The following PLPPR3 variants were observed in gnomAD, a reference collection of about 807,000 sequenced individuals.
PLPPR3 encodes the protein phospholipid phosphatase-related protein type 3.
PLPPR3 carries 14 observed loss-of-function variants against 27.3 expected under a neutral mutation model. The observed-to-expected ratio is 0.51, with a 90% CI of 0.34 to 0.80. PLPPR3 has a LOEUF of 0.80. Ranked by LOEUF, PLPPR3 falls within the 30% of genes least tolerant of loss-of-function variation. PLPPR3 has a pLI of 0.01. For missense variants in PLPPR3, 1,287 were observed against 1,056.9 expected (o/e 1.22, Z -3.02); for synonymous variants, 671 against 508.0 (o/e 1.32, Z -4.32).
rs1262413013 is a variant in PLPPR3 at position 815,678 on chromosome 19, G to A, written c.249C>T (p.Ala83=). ...TGCAGGTGCTCACCGAGGCGGCAGGGGCCGCGAAGGCCAAGCTGAGCAGCA... is the reference window on the plus strand; with the variant it reads ...TGCAGGTGCTCACCGAGGCGGCAGGAGCCGCGAAGGCCAAGCTGAGCAGCA... ...LLMLLSLAFA[A]PAASIMVAEG... The change falls in exon 3 of 8, where the codon GCC becomes GCT. Residue 83 remains alanine, a synonymous_variant. Transcript: ENST00000520876. 1.9e-6 allele frequency: 3 copies of A among 1,588,952 alleles called. No homozygotes were observed. The highest frequency in any genetic ancestry group is 1.1e-5 in the South Asian group (1 of 88,238).
rs867124658 is a variant in PLPPR3, at chr19:819,124, A to G, written c.75+2361T>C. ...CCGGAGTAGCTGAGACTACAGGCAC[A>G]CACCACCACGCTGGGCTAATTTTTG... On this transcript the variant is annotated intron_variant, in intron 2 of 7. Transcript: ENST00000520876. Among the ~76,000 whole-genome samples, 81 of 104,786 alleles carry G rather than the reference A, an allele frequency of 7.7e-4. 11 individuals are homozygous for G. The highest frequency in any genetic ancestry group is 1.2e-3 in the Non-Finnish European group (66 of 53,850). 68.7% of individuals were successfully genotyped at this position (104,786 alleles called of 152,430 possible).
chr19:818,895 G>C (rs1337244303), intron 2 of PLPPR3, among the ~76,000 whole-genome samples: 1 of 151,318 alleles, frequency 6.6e-6, no homozygotes, highest in Non-Finnish European at 1.5e-5. Context: ...CAGGCCTCAA[G>C]TGATCTTCCT....
intron 6 of PLPPR3, 39 bp from the exon 7 acceptor site, chr19:814,646 G>A (rs777846239): frequency 3.9e-5 from 63 of 1,609,984 alleles, no homozygotes; most frequent in Non-Finnish European, 4.9e-5. Flanking sequence ...GGCTCCCCAC[G>A]GGTCAGCAAG....
Position 813,661 on chromosome 19 carries a change from C to A in PLPPR3, c.1066G>T (p.Val356Leu). The A allele has an allele frequency of 6.5e-7, 1 of 1,536,026 alleles. No individual in the cohort carries two copies. Among genetic ancestry groups the A allele is most frequent in the South Asian group, 1.2e-5 (1 of 83,916 alleles). The change falls in exon 8 of 8, where the codon GTG (valine) becomes TTG (leucine). Residue 356 changes from valine (V) to leucine (L), a missense_variant. Val to Leu is a conservative substitution (Grantham distance 32). Transcript: ENST00000520876. The surrounding 1 kb of genome is among the most constrained non-coding windows in gnomAD (Gnocchi z 4.1). ...LGSLKRASVD[V>L]DLLAPRSPMA... Reference sequence around the variant, plus strand: ...GGGCTGCGCGGGGCCAGCAGGTCCACGTCCACGCTGGCGCGCTTCAGGCTG... The same window carrying A: ...GGGCTGCGCGGGGCCAGCAGGTCCAAGTCCACGCTGGCGCGCTTCAGGCTG...
chr19:821,632 CG>C, intron 1 of PLPPR3, 47 bp from the exon 2 acceptor site: 7 of 891,358 alleles, frequency 7.9e-6, no homozygotes, highest in South Asian at 1.8e-5. Flanking sequence ...AGGCGGAGCC[CG>C]GGGGAGACAC....
upstream of PLPPR3, among the ~76,000 whole-genome samples, chr19:822,897 G>T (rs559010868): frequency 2.0e-5 from 3 of 152,034 alleles, no homozygotes; most frequent in African/African-American, 7.2e-5. Flanking sequence ...GAGGCGGGCG[G>T]ATCACGAGGG....
upstream of PLPPR3, among the ~76,000 whole-genome samples, chr19:822,903 G>A (rs750572940): frequency 2.7e-5 from 4 of 149,378 alleles, no homozygotes; most frequent in Admixed American, 1.3e-4. Flanking sequence ...GGCGGATCAC[G>A]AGGGCAGGAG....
Position 813,339 on chromosome 19 carries a change from G to C in PLPPR3, c.1388C>G (p.Pro463Arg). 6.8e-7 allele frequency: 1 copy of C among 1,472,922 alleles called. No homozygotes were observed. Among genetic ancestry groups the C allele is most frequent in the Non-Finnish European group, 8.9e-7 (1 of 1,121,370 alleles). 91.2% of individuals were successfully genotyped at this position (1,472,922 alleles called of 1,614,324 possible). Residue 463 changes from proline (P) to arginine (R), a missense_variant, in exon 8 of 8, where the codon CCG becomes CGG. By Grantham distance (103) the Pro-to-Arg change is moderately radical. Transcript: ENST00000520876. The surrounding 1 kb of genome is among the most constrained non-coding windows in gnomAD (Gnocchi z 4.1). ...EEEEEEEDEG[P>R]APPSLYPTVQ... ...GGTGGGGTAGAGCGAGGGCGGGGCC[G>C]GGCCCTCGTCCTCCTCCTCTTCCTC...
At position 814,737 on chromosome 19, in the gene PLPPR3, C is replaced by T. The variant is rs371701422; in HGVS notation, c.612G>A (p.Pro204=). 1.3e-5 allele frequency: 20 copies of T among 1,576,076 alleles called. No homozygotes were observed. The highest frequency in any genetic ancestry group is 2.3e-5 in the South Asian group (2 of 87,462). ...HAILSARKTF[P]SQHATLSAFA... Reference sequence around the variant, plus strand: ...AGGCTGACAGCGTGGCGTGCTGGGACGGGAAGGTCTTCCTGTAAGAGGCGT... The same window carrying T: ...AGGCTGACAGCGTGGCGTGCTGGGATGGGAAGGTCTTCCTGTAAGAGGCGT... The change falls in exon 6 of 8, where the codon CCG becomes CCA. Residue 204 remains proline (P), a synonymous_variant. Coordinates refer to ENST00000520876, the MANE Select transcript of PLPPR3 (RefSeq NM_001270366.2).
intron 2 of PLPPR3, among the ~76,000 whole-genome samples, chr19:817,471 A>G (rs2035079968): frequency 6.6e-6 from 1 of 150,608 alleles, no homozygotes; most frequent in African/African-American, 2.4e-5. Flanking sequence ...GCGGGGTTTC[A>G]CCATGTTCCC....
intron 2 of PLPPR3, among the ~76,000 whole-genome samples, chr19:816,397 ATCCATCCACCCATTC>A (rs2035055554): frequency 2.1e-5 from 1 of 47,718 alleles, no homozygotes; most frequent in Non-Finnish European, 3.8e-5. Flanking sequence ...CCCACCCATC[ATCCATCCACCCATTC>A]TCCACCCATG....
chr19:823,455 A>AAAAAAAAC (rs1568289373), upstream of PLPPR3, among the ~76,000 whole-genome samples: 18 of 131,986 alleles, frequency 1.4e-4, no homozygotes, highest in Admixed American at 7.2e-4. Context: ...AAAAAAAAAA[A>AAAAAAAAC]AAACAAACAA....
chr19:815,266 C>T lies in PLPPR3; in HGVS notation c.323G>A (p.Gly108Glu), dbSNP rs766677540. ...LQSRLWGRAG[G>E]PAGAEGSINA... ...GATGCTGCCCTCCGCCCCGGCGGGC[C>T]CCCCGGCACGGCCCCACAGCCGGGA... Residue 108 changes from glycine (G) to glutamate (E), a missense_variant, in exon 4 of 8, where the codon GGG becomes GAG. Gly to Glu is a moderately conservative substitution (Grantham distance 98). Transcript: ENST00000520876. 5.8e-6 allele frequency: 9 copies of T among 1,561,128 alleles called. No homozygotes were observed. Among genetic ancestry groups the T allele is most frequent in the Admixed American group, 3.8e-5 (2 of 52,578 alleles).
In PLPPR3 at chr19:812,493, T is replaced by C; in HGVS notation, c.*77A>G. 2.0e-6 allele frequency: 2 copies of C among 976,744 alleles called. No homozygotes were observed. The highest frequency in any genetic ancestry group is 2.4e-6 in the Non-Finnish European group (2 of 820,522). The allele number at this position is 976,744 out of a possible 1,614,324, so 60.5% of individuals were successfully genotyped here. ...GAATGACCAAGAGCCGGACCTCGGTTTCTGCCGCTTTATTGAGCATCCGCG... is the reference window on the plus strand; with the variant it reads ...GAATGACCAAGAGCCGGACCTCGGTCTCTGCCGCTTTATTGAGCATCCGCG... On this transcript the variant is annotated 3_prime_UTR_variant, in exon 8 of 8. Transcript: ENST00000520876.
intron 4 of PLPPR3, 42 bp from the exon 5 acceptor site, chr19:815,123 C>G: frequency 6.3e-7 from 1 of 1,599,648 alleles, no homozygotes. Context: ...GCTGGGGACC[C>G]GGGACAGCCC....
At chr19:817,174 C>T (rs887367572) in intron 2 of PLPPR3, among the ~76,000 whole-genome samples, 4 of 152,140 alleles carry the variant, frequency 2.6e-5, no homozygotes, top group African/African-American at 7.2e-5. Context: ...GACAGGGTAT[C>T]GTCATGTTGC....
chr19:821,678 G>A lies in PLPPR3; in HGVS notation c.-26-93C>T, dbSNP rs2035148877. 6.4e-6 allele frequency: 4 copies of A among 625,136 alleles called. 1 individual carries two copies. In the South Asian group the frequency reaches 8.1e-5, roughly 13 times the overall value. The allele number at this position is 625,136 out of a possible 1,614,324, so 38.7% of individuals were successfully genotyped here. A position where few individuals can be genotyped will look rare whatever the true frequency, so the allele number is the denominator to read the frequency against. On this transcript the variant is annotated intron_variant, in intron 1 of 7. Coordinates refer to ENST00000520876, the MANE Select transcript of PLPPR3 (RefSeq NM_001270366.2). ...CGCCGGCGGGGGAGGGGCGGTCGGG[G>A]AAACTGAGGCTGCAGAGAGCGGCGT...
In PLPPR3 at chr19:813,419, G is replaced by A. The variant is rs772797863; in HGVS notation, c.1308C>T (p.Ala436=). 4.7e-6 allele frequency: 7 copies of A among 1,501,660 alleles called. No individual in the cohort carries two copies. The Admixed American group carries it at 9.1e-5, about 20-fold the overall frequency. 93.0% of individuals were successfully genotyped at this position (1,501,660 alleles called of 1,614,324 possible). A position where few individuals can be genotyped will look rare whatever the true frequency, so the allele number is the denominator to read the frequency against. Residue 436 remains alanine, a synonymous_variant, in exon 8 of 8, where the codon GCC becomes GCT. Transcript: ENST00000520876. This position sits in a 1 kb window ranked among gnomAD's most constrained non-coding sequence, Gnocchi z 4.1. The part of the protein sequence containing the change: ...DASPGHLRAP[A]EPMAEEEEEE... ...CTTCCTCCTCCTCCGCCATGGGTTC[G>A]GCGGGCGCGCGCAGGTGCCCGGGGC...
Position 812,934 on chromosome 19 carries a change from C to G in PLPPR3, c.1793G>C (p.Gly598Ala), listed in dbSNP as rs1263060427. The G allele has an allele frequency of 7.4e-7, 1 of 1,351,914 alleles. No individual in the cohort carries two copies. The highest frequency in any genetic ancestry group is 2.2e-4 in the Middle Eastern group (1 of 4,452). The allele number at this position is 1,351,914 out of a possible 1,614,324, so 83.7% of individuals were successfully genotyped here. A position where few individuals can be genotyped will look rare whatever the true frequency, so the allele number is the denominator to read the frequency against. Reference protein sequence around the residue: ...PHHPVVHLSAGGAPWEWKAAG... With the variant: ...PHHPVVHLSAAGAPWEWKAAG... The stretch of plus-strand genomic sequence containing the variant: ...CGCCTTCCACTCCCAGGGCGCGCCG[C>G]CGGCCGACAGGTGCACCACGGGGTG... Residue 598 changes from glycine to alanine, a missense_variant, in exon 8 of 8, where the codon GGC becomes GCC. Physicochemically the swap from Gly to Ala is moderately conservative, Grantham distance 60. Transcript: ENST00000520876.
Sources: gnomAD v4.1 joint callset for allele counts (sites outside exome capture counted in the v4.1 genomes callset) on GRCh38, gnomAD v4.1.1 for gene constraint, Gnocchi (gnomAD v3.1) non-coding constraint, MANE v1.5 for transcripts, NCBI Gene and HGNC (gene_info 2026-07-23, HGNC 2026-07-21) for gene names.